SEPTIN3: variants seen among roughly 807,000 people sequenced by gnomAD.
SEPTIN3 encodes the protein neuronal-specific septin-3.
In SEPTIN3, 15 loss-of-function variants were observed where a neutral mutation model predicts 45.1. The ratio of observed to expected loss-of-function variants is 0.33; its 90% CI spans 0.22 to 0.51. The LOEUF (loss-of-function observed/expected upper bound fraction) is 0.51, where lower values mean the gene tolerates loss of function less well. Ranked by LOEUF, SEPTIN3 falls within the 20% of genes least tolerant of loss-of-function variation. The pLI is 0.97. For missense variants in SEPTIN3, 289 were observed against 457.2 expected (o/e 0.63, Z 3.35); for synonymous variants, 148 against 164.8 (o/e 0.90, Z 0.78).
Position 41,994,712 on chromosome 22 carries a change from C to T in SEPTIN3, c.2503C>T (p.Pro835Ser). Residue 835 changes from proline (P) to serine (S), a missense_variant and splice_region_variant, in exon 11 of 12, where the codon CCG (proline) becomes TCG (serine). Physicochemically the swap from Pro to Ser is moderately conservative, Grantham distance 74 (BLOSUM62 -1). This residue lies in a region of SEPTIN3 where 84 missense variants were observed against 114.7 expected (regional missense o/e 0.73). Coordinates refer to ENST00000644076, the MANE Select transcript of SEPTIN3 (RefSeq NM_001363845.2). The surrounding 1 kb of genome is among the most constrained non-coding windows in gnomAD (Gnocchi z 4.2). ...GCTCAATGACAATGGAGGCCTCCCT[C>T]CGGTGAGCGTGGACACAGAGGAAAG... is the stretch of plus-strand genomic sequence containing the variant. The part of the protein sequence containing the change: ...KRLNDNGGLP[P>S]GEGLLGTVLP... 1 of 1,614,152 alleles carries T rather than the reference C, an allele frequency of 6.2e-7. No homozygotes were observed. The highest frequency in any genetic ancestry group is 8.5e-7 in the Non-Finnish European group (1 of 1,180,036).
At chr22:41,992,372 C>G (rs1417502621) in intron 8 of SEPTIN3, among the ~76,000 whole-genome samples, 1 of 152,190 alleles carries the variant, frequency 6.6e-6, no homozygotes, top group Non-Finnish European at 1.5e-5. Context: ...AGAGCGAACT[C>G]TGTCTCAAAA....
At chr22:41,985,942 G>A in intron 3 of SEPTIN3, 42 bp from the exon 4 acceptor site, 1 of 1,564,456 alleles carries the variant, frequency 6.4e-7, no homozygotes, top group Non-Finnish European at 8.7e-7. Flanking sequence ...CTCAGGAGGT[G>A]GATGCAGAGT....
Position 41,994,285 on chromosome 22 carries a change from C to A in SEPTIN3, c.2360-5C>A. On this transcript the variant is annotated splice_polypyrimidine_tract_variant and splice_region_variant and intron_variant, in intron 9 of 11. Coordinates refer to ENST00000644076, the MANE Select transcript of SEPTIN3 (RefSeq NM_001363845.2). The surrounding 1 kb of genome is among the most constrained non-coding windows in gnomAD (Gnocchi z 4.2). ...CTGTTTTGCTTTGTTTTGTTTTGTTCATAGTGGAAAACCTCAACCACTGTG... is the reference window on the plus strand; with the variant it reads ...CTGTTTTGCTTTGTTTTGTTTTGTTAATAGTGGAAAACCTCAACCACTGTG... 6.2e-7 allele frequency: 1 copy of A among 1,613,724 alleles called. No individual in the cohort carries two copies. The highest frequency in any genetic ancestry group is 8.5e-7 in the Non-Finnish European group (1 of 1,179,982).
At chr22:41,996,790 T>C in intron 11 of SEPTIN3, 112 bp from the exon 12 acceptor site, 1 of 1,547,698 alleles carries the variant, frequency 6.5e-7, no homozygotes, top group African/African-American at 1.4e-5. Context: ...TGAGTAGGAA[T>C]GGTGCCTGGC....
chr22:41,977,133 CGCGGCTG>C, intron 2 of SEPTIN3: 1 of 1,548,046 alleles, frequency 6.5e-7, no homozygotes, highest in South Asian at 1.2e-5. Flanking sequence ...CCCCGGCCAG[CGCGGCTG>C]GAGGCGCTCC....
intron 3 of SEPTIN3, among the ~76,000 whole-genome samples, chr22:41,985,348 G>T (rs1345224867): frequency 6.6e-6 from 1 of 152,198 alleles, no homozygotes; most frequent in East Asian, 1.9e-4. Flanking sequence ...GGACACTAAG[G>T]CTTCTGGGAG....
intron 9 of SEPTIN3, among the ~76,000 whole-genome samples, chr22:41,992,964 TG>T (rs2078342715): frequency 6.6e-6 from 1 of 152,186 alleles, no homozygotes; most frequent in Non-Finnish European, 1.5e-5. Flanking sequence ...AGCACCTGAC[TG>T]GGTGGCACTG....
rs2078020266 is a variant in SEPTIN3, at chr22:41,976,345, C to T, written c.1504+3349C>T. 6.6e-6 allele frequency: 1 copy of T among 152,316 alleles called. No individual in the cohort carries two copies. The highest frequency in any genetic ancestry group is 2.1e-4 in the South Asian group (1 of 4,832). The allele number at this position is 152,316 out of a possible 1,614,324, so 9.4% of individuals were successfully genotyped here. A position where few individuals can be genotyped will look rare whatever the true frequency, so the allele number is the denominator to read the frequency against. ...GAGGCAATATGCTGTCCATTAGTAT[C>T]CACTGAATGCGTGAAATTTTTTTCT... On this transcript the variant is annotated intron_variant, in intron 2 of 11. Coordinates refer to ENST00000644076, the MANE Select transcript of SEPTIN3 (RefSeq NM_001363845.2). The surrounding 1 kb of genome is among the most constrained non-coding windows in gnomAD (Gnocchi z 5.8).
chr22:41,986,002 A>G lies in SEPTIN3; in HGVS notation c.1715A>G (p.Lys572Arg). The change falls in exon 4 of 12, where the codon AAA becomes AGA. Residue 572 changes from lysine (K) to arginine (R), a missense_variant. This residue lies in a region of SEPTIN3 where 200 missense variants were observed against 315.1 expected (regional missense o/e 0.63). Transcript: ENST00000644076. ...GCTGTAGGCCAGAGTGGACTGGGCAAATCAACGCTGGTCAACACGCTCTTC... is the reference window on the plus strand; with the variant it reads ...GCTGTAGGCCAGAGTGGACTGGGCAGATCAACGCTGGTCAACACGCTCTTC... The part of the protein sequence containing the change: ...IMVVGQSGLG[K>R]STLVNTLFKS... 6.2e-7 allele frequency: 1 copy of G among 1,611,568 alleles called. No individual in the cohort carries two copies. The highest frequency in any genetic ancestry group is 8.5e-7 in the Non-Finnish European group (1 of 1,178,840).
chr22:41,981,709 A>C lies in SEPTIN3; in HGVS notation c.1569A>C (p.Pro523=), dbSNP rs2078123666. 1 of 1,613,974 alleles carries C rather than the reference A, an allele frequency of 6.2e-7. No individual in the cohort carries two copies. The highest frequency in any genetic ancestry group is 1.3e-5 in the African/African-American group (1 of 74,924). The change falls in exon 3 of 12, where the codon CCA becomes CCC. Residue 523 remains proline, a synonymous_variant. Coordinates refer to ENST00000644076, the MANE Select transcript of SEPTIN3 (RefSeq NM_001363845.2). ...SELVPEPRPK[P]AVPMKPMSIN... is the part of the protein sequence containing the mutation. The stretch of plus-strand genomic sequence containing the variant: ...TGGTGCCTGAGCCCAGGCCTAAGCC[A>C]GCGGTGCCCATGAAGCCCATGAGCA...
intron 7 of SEPTIN3, among the ~76,000 whole-genome samples, chr22:41,990,836 G>C (rs561335802): frequency 5.9e-5 from 9 of 151,776 alleles, no homozygotes; most frequent in African/African-American, 2.2e-4. Context: ...GGCCAAGGCG[G>C]GTGGATCACC....
At chr22:41,989,466 C>G (rs2078266654) in intron 6 of SEPTIN3, 101 bp from the exon 7 acceptor site, 1 of 782,438 alleles carries the variant, frequency 1.3e-6, no homozygotes, top group Admixed American at 1.8e-5. Flanking sequence ...GCCAGATGCC[C>G]AGCCCAGTCC....
intron 4 of SEPTIN3, among the ~76,000 whole-genome samples, chr22:41,986,427 G>A (rs2078208564): frequency 1.3e-5 from 2 of 151,952 alleles, no homozygotes; most frequent in Admixed American, 6.6e-5. Flanking sequence ...GCCAAAGTGG[G>A]AGGATCGCTT....
chr22:41,997,147 C>A lies in SEPTIN3; in HGVS notation c.*180C>A. ...GCATCCTCCATTTATCCAAACCACT[C>A]CTCTCCTCCCAGTGGAGTGGGGTTC... On this transcript the variant is annotated 3_prime_UTR_variant, in exon 12 of 12. Coordinates refer to ENST00000644076, the MANE Select transcript of SEPTIN3 (RefSeq NM_001363845.2). The A allele has an allele frequency of 2.5e-6, 3 of 1,184,486 alleles. No individual in the cohort carries two copies. Among genetic ancestry groups the A allele is most frequent in the Non-Finnish European group, 3.5e-6 (3 of 861,238 alleles). 73.4% of individuals were successfully genotyped at this position (1,184,486 alleles called of 1,614,324 possible).
At chr22:41,983,345 C>A (rs2078152078) in intron 3 of SEPTIN3, among the ~76,000 whole-genome samples, 1 of 152,212 alleles carries the variant, frequency 6.6e-6, no homozygotes, top group African/African-American at 2.4e-5. Flanking sequence ...GTAGCTGGGC[C>A]CCTATGGGCC....
At chr22:41,987,860 C>A in intron 6 of SEPTIN3, 101 bp downstream of exon 6, 2 of 1,297,868 alleles carry the variant, frequency 1.5e-6, no homozygotes, top group Non-Finnish European at 2.1e-6. Context: ...CTAGGCCTCC[C>A]TAGCTGAGTC....
intron 3 of SEPTIN3, among the ~76,000 whole-genome samples, chr22:41,984,928 C>G (rs1378209707): frequency 6.8e-6 from 1 of 146,836 alleles, no homozygotes; most frequent in Non-Finnish European, 1.5e-5. Context: ...TCTCAGCTCA[C>G]TGCAAGCTCT....
chr22:41,978,689 A>G (rs1372946022), intron 2 of SEPTIN3, among the ~76,000 whole-genome samples: 1 of 152,210 alleles, frequency 6.6e-6, no homozygotes, highest in Non-Finnish European at 1.5e-5. Context: ...TGTCTGGGGT[A>G]CATAAGTGTC....
Position 41,994,887 on chromosome 22 carries a change from G to GTC in SEPTIN3, c.2505+174_2505+175insCT. The GTC allele has an allele frequency of 1.8e-6, 1 of 566,640 alleles. No homozygotes were observed. Among genetic ancestry groups the GTC allele is most frequent in the Non-Finnish European group, 2.5e-6 (1 of 395,354 alleles). 35.1% of individuals were successfully genotyped at this position (566,640 alleles called of 1,614,324 possible). A position where few individuals can be genotyped will look rare whatever the true frequency, so the allele number is the denominator to read the frequency against. ...GGTATTTGTGGAGCATCTTGTCTGT[G>GTC]TGTGTGTGTGTGTGTGTGTGTGTGT... On this transcript the variant is annotated intron_variant, in intron 11 of 11. Transcript: ENST00000644076. The surrounding 1 kb of genome is among the most constrained non-coding windows in gnomAD (Gnocchi z 4.2).
Sources: gnomAD v4.1 joint callset for allele counts (sites outside exome capture counted in the v4.1 genomes callset) on GRCh38, gnomAD v4.1.1 for gene constraint, gnomAD v4.1.1 regional missense constraint, Gnocchi (gnomAD v3.1) non-coding constraint, MANE v1.5 for transcripts, NCBI Gene and HGNC (gene_info 2026-07-23, HGNC 2026-07-21) for gene names.